BTAF1: variants seen among roughly 807,000 people sequenced by gnomAD.
BTAF1 encodes the protein B-TFIID TATA-box binding protein associated factor 1.
Under a neutral mutation model 227.1 loss-of-function variants are expected in BTAF1, and 38 were observed. The ratio of observed to expected loss-of-function variants is 0.17; its 90% CI spans 0.13 to 0.22. BTAF1 has a LOEUF of 0.22. BTAF1 is among the 10% of genes least tolerant of loss of function. The pLI, the probability that BTAF1 is intolerant of heterozygous loss-of-function variation, is 1.00. For synonymous variants in BTAF1, 742 were observed against 751.9 expected (o/e 0.99, Z 0.21); for missense variants, 1,598 against 2,204.0 (o/e 0.73, Z 5.51).
chr10:91,999,275 T>C (rs1252391203), intron 25 of BTAF1, among the ~76,000 whole-genome samples: 1 of 152,196 alleles, frequency 6.6e-6, no homozygotes, highest in Non-Finnish European at 1.5e-5. Context: ...TAATGAGTTA[T>C]AAATAGGATA....
At chr10:91,982,298 A>T in intron 17 of BTAF1, 73 bp downstream of exon 17, 4 of 1,597,428 alleles carry the variant, frequency 2.5e-6, no homozygotes, top group Non-Finnish European at 3.4e-6. Flanking sequence ...AACCAACAGA[A>T]GATTCCTCTG....
chr10:91,975,106 C>T (rs939512062), intron 14 of BTAF1, among the ~76,000 whole-genome samples: 5 of 152,148 alleles, frequency 3.3e-5, no homozygotes, highest in Admixed American at 6.5e-5. Flanking sequence ...CAGACAAACT[C>T]CTAGACATGA....
intron 25 of BTAF1, among the ~76,000 whole-genome samples, chr10:92,007,014 T>C (rs968995158): frequency 6.6e-6 from 1 of 151,836 alleles, no homozygotes; most frequent in African/African-American, 2.4e-5. Flanking sequence ...GTCAAGGAAA[T>C]TCTTGGAGTA....
chr10:91,958,700 C>G (rs1204419058), intron 8 of BTAF1, among the ~76,000 whole-genome samples: 1 of 152,110 alleles, frequency 6.6e-6, no homozygotes, highest in African/African-American at 2.4e-5. Context: ...GAGACTCCAT[C>G]TCGAAAAACA....
chr10:91,943,083 G>A (rs910857315), intron 4 of BTAF1, among the ~76,000 whole-genome samples: 3 of 152,102 alleles, frequency 2.0e-5, no homozygotes, highest in African/African-American at 7.2e-5. Context: ...AGAGGCCAAG[G>A]TGGGTGGATC....
intron 1 of BTAF1, 117 bp downstream of exon 1, chr10:91,924,207 T>C: frequency 1.5e-6 from 2 of 1,375,896 alleles, no homozygotes; most frequent in Non-Finnish European, 1.9e-6. Context: ...TCTGGAGCTT[T>C]CTTCAGTAGA....
chr10:91,988,555 C>T (rs1424816879), intron 19 of BTAF1, among the ~76,000 whole-genome samples: 1 of 152,176 alleles, frequency 6.6e-6, no homozygotes, highest in Non-Finnish European at 1.5e-5. Context: ...CCTTAGATAG[C>T]TCTTGGTAAT....
intron 4 of BTAF1, among the ~76,000 whole-genome samples, chr10:91,946,825 CCTTTTTTTCTTTTT>C (rs1173737107): frequency 2.6e-5 from 4 of 151,504 alleles, no homozygotes; most frequent in African/African-American, 9.7e-5. Flanking sequence ...TTATGCATTT[CCTTTTTTTCTTTTT>C]CTTTTCTTTT....
chr10:91,963,057 A>G (rs1008382542), intron 12 of BTAF1, among the ~76,000 whole-genome samples: 2 of 151,618 alleles, frequency 1.3e-5, no homozygotes, highest in South Asian at 2.1e-4. Context: ...ATTATTAATT[A>G]TTAATTAGTA....
At chr10:91,942,705 G>A in intron 4 of BTAF1, 137 bp downstream of exon 4, 3 of 989,618 alleles carry the variant, frequency 3.0e-6, no homozygotes, top group South Asian at 1.9e-5. Flanking sequence ...AGGTGGCGGG[G>A]GATGCTATGA....
At position 91,982,588 on chromosome 10, in the gene BTAF1, T is replaced by C. The variant is rs775887513; in HGVS notation, c.2050T>C (p.Leu684=). ...TAACTTCCTTTTTCTCCCTCTTAGGTTGTTAGGAGCACTTTGTTGCTGTAT... is the reference window on the plus strand; with the variant it reads ...TAACTTCCTTTTTCTCCCTCTTAGGCTGTTAGGAGCACTTTGTTGCTGTAT... The part of the protein sequence containing the change: ...VMRARMMAAK[L]LGALCCCICD... Residue 684 remains leucine (L), a splice_region_variant and synonymous_variant, in exon 18 of 38, where the codon TTG becomes CTG. Transcript: ENST00000265990. The C allele has an allele frequency of 6.2e-7, 1 of 1,611,802 alleles. No homozygotes were observed. Among genetic ancestry groups the C allele is most frequent in the African/African-American group, 1.3e-5 (1 of 74,756 alleles).
intron 20 of BTAF1, among the ~76,000 whole-genome samples, chr10:91,990,274 T>C (rs1016587080): frequency 6.6e-6 from 1 of 152,190 alleles, no homozygotes; most frequent in African/African-American, 2.4e-5. Flanking sequence ...AATATGTTTA[T>C]GAACTAGAAG....
chr10:91,928,628 A>G (rs997003538), intron 1 of BTAF1, among the ~76,000 whole-genome samples: 6 of 152,076 alleles, frequency 3.9e-5, no homozygotes, highest in Non-Finnish European at 5.9e-5. Context: ...ATTTTTGAAC[A>G]CCATTATTTT....
At chr10:92,027,072 C>T (rs548058151) in intron 36 of BTAF1, 58 bp from the exon 37 acceptor site, 219 of 1,524,484 alleles carry the variant, frequency 1.4e-4, no homozygotes, top group Non-Finnish European at 1.7e-4. Context: ...CCCTCTGACT[C>T]GTTGGAACCT....
intron 30 of BTAF1, among the ~76,000 whole-genome samples, chr10:92,013,046 G>A (rs1043416567): frequency 6.6e-6 from 1 of 152,222 alleles, no homozygotes; most frequent in Non-Finnish European, 1.5e-5. Flanking sequence ...GATTAGAAGT[G>A]TGTCCAAATG....
intron 23 of BTAF1, among the ~76,000 whole-genome samples, chr10:91,995,264 G>A (rs1185071795): frequency 1.3e-5 from 2 of 152,006 alleles, no homozygotes; most frequent in Non-Finnish European, 2.9e-5. Flanking sequence ...GTTCTCTATT[G>A]TTATTTAACA....
At chr10:91,927,992 T>C (rs1343011908) in intron 1 of BTAF1, among the ~76,000 whole-genome samples, 1 of 151,018 alleles carries the variant, frequency 6.6e-6, no homozygotes, top group African/African-American at 2.4e-5. Context: ...TTTTTTTTTT[T>C]TTTTTTTGCA....
At chr10:91,928,460 G>C (rs908573685) in intron 1 of BTAF1, among the ~76,000 whole-genome samples, 2 of 152,126 alleles carry the variant, frequency 1.3e-5, no homozygotes, top group Non-Finnish European at 2.9e-5. Flanking sequence ...TAGGAGTAGA[G>C]AACAATGTTG....
At chr10:91,971,531 G>A (rs1399747063) in intron 14 of BTAF1, among the ~76,000 whole-genome samples, 2 of 150,030 alleles carry the variant, frequency 1.3e-5, no homozygotes, top group Admixed American at 6.7e-5. Flanking sequence ...GGAGTGCAAC[G>A]GCATGATCTT....
Sources: allele counts gnomAD v4.1 joint callset (sites outside exome capture counted in the v4.1 genomes callset), GRCh38; gene constraint gnomAD v4.1.1; transcripts MANE v1.5; gene names NCBI Gene and HGNC (gene_info 2026-07-23, HGNC 2026-07-21).